The following PPIP5K1 variants were observed in gnomAD, a reference collection of about 807,000 sequenced individuals.
The protein encoded by PPIP5K1 is inositol hexakisphosphate and diphosphoinositol-pentakisphosphate kinase 1.
A neutral mutation model predicts 27.7 loss-of-function variants in PPIP5K1; 6 were observed. That is an observed-to-expected ratio of 0.22 (90% confidence interval 0.12 to 0.43). The LOEUF (loss-of-function observed/expected upper bound fraction) is 0.43. PPIP5K1 is among the 20% of genes least tolerant of loss of function. The probability of loss-of-function intolerance (pLI) is 1.00; values close to 1 mark genes in which losing one functional copy is unlikely to be tolerated. For missense variants in PPIP5K1, 394 were observed against 635.4 expected (o/e 0.62, Z 4.08); for synonymous variants, 145 against 242.6 (o/e 0.60, Z 3.74).
intron 31 of PPIP5K1, among the ~76,000 whole-genome samples, chr15:43,537,706 A>AAGAGAGAG (rs1156583027): frequency 7.9e-6 from 1 of 126,740 alleles, no homozygotes; most frequent in Admixed American, 8.8e-5. Context: ...AAAAAAAAAA[A>AAGAGAGAG]AGAGAGAGAG....
intron 30 of PPIP5K1, 129 bp from the exon 31 acceptor site, chr15:43,539,712 G>A (rs1595707698): frequency 3.3e-6 from 2 of 603,922 alleles, no homozygotes; most frequent in South Asian, 2.1e-5. Flanking sequence ...AGCATTTCCT[G>A]GGGACCCTTC....
chr15:43,547,373 G>A (rs1178748670), intron 30 of PPIP5K1, among the ~76,000 whole-genome samples: 1 of 152,072 alleles, frequency 6.6e-6, no homozygotes, highest in African/African-American at 2.4e-5. Context: ...TAGTTTTGGT[G>A]AAGTCTAATT....
intron 30 of PPIP5K1, among the ~76,000 whole-genome samples, chr15:43,550,145 T>C (rs2082012434): frequency 6.6e-6 from 1 of 150,404 alleles, no homozygotes. Flanking sequence ...TTTTCTTTCT[T>C]TTTTTTTTGA....
intron 30 of PPIP5K1, among the ~76,000 whole-genome samples, chr15:43,553,440 T>C (rs189387516): frequency 1.2e-4 from 19 of 152,184 alleles, no homozygotes; most frequent in Admixed American, 1.1e-3. Context: ...CTTCCTGGGC[T>C]CAAGGAGTCC....
intron 30 of PPIP5K1, among the ~76,000 whole-genome samples, chr15:43,555,144 G>C (rs1299560005): frequency 6.6e-6 from 1 of 151,706 alleles, no homozygotes; most frequent in African/African-American, 2.4e-5. Context: ...GGCGTTAAAA[G>C]TATAAACTAT....
At position 43,543,415 on chromosome 15, in the gene PPIP5K1, TAAACAAAC is replaced by T. The variant is rs544678749; in HGVS notation, c.3557-3840_3557-3833del. 2.4e-4 allele frequency among the ~76,000 whole-genome samples: 36 copies of T among 149,758 alleles called. 1 individual carries two copies. Among genetic ancestry groups the T allele is most frequent in the South Asian group, 6.4e-4 (3 of 4,694 alleles). On this transcript the variant is annotated intron_variant, in intron 30 of 31. Transcript: ENST00000420765. ...ATGTACCCTAAAACTTAAAGTATAA[TAAACAAAC>T]AAACAAACAAACAAACAAAACAAAA... is the stretch of plus-strand genomic sequence containing the variant.
chr15:43,539,561 G>T lies in PPIP5K1; in HGVS notation c.3579C>A (p.Ser1193Arg). 1 of 1,604,248 alleles carries T rather than the reference G, an allele frequency of 6.2e-7. No individual in the cohort carries two copies. Among genetic ancestry groups the T allele is most frequent in the Non-Finnish European group, 8.5e-7 (1 of 1,173,308 alleles). ...AAAATGGGTTATCTGAGGCCTGGCTGCTGTGCATGGAATCAAAGAGGGCTG... is the reference window on the plus strand; with the variant it reads ...AAAATGGGTTATCTGAGGCCTGGCTTCTGTGCATGGAATCAAAGAGGGCTG... Reference protein sequence around the residue: ...ASAALFDSMHSSQASDNPFSP... With the variant: ...ASAALFDSMHRSQASDNPFSP... Residue 1193 changes from serine to arginine, a missense_variant, in exon 31 of 32, where the codon AGC becomes AGA. By Grantham distance (110) the Ser-to-Arg change is moderately radical (BLOSUM62 -1). Transcript: ENST00000420765.
At position 43,535,487 on chromosome 15, in the gene PPIP5K1, A is replaced by G. The variant is rs375770807; in HGVS notation, c.3671-11T>C. 61 of 1,544,044 alleles carry G rather than the reference A, an allele frequency of 4.0e-5. No individual in the cohort carries two copies. The African/African-American group carries it at 5.8e-4, about 15-fold the overall frequency. Reference sequence around the variant, plus strand: ...AAGGGCCACTGCTGTCTGTAAAGCAAAGTCAAGAGATCAAGTTAGAGAAGC... The same window carrying G: ...AAGGGCCACTGCTGTCTGTAAAGCAGAGTCAAGAGATCAAGTTAGAGAAGC... On this transcript the variant is annotated splice_polypyrimidine_tract_variant and intron_variant, in intron 31 of 31. Transcript: ENST00000420765.
In PPIP5K1 at chr15:43,533,956, G is replaced by C. The variant is rs1324563935; in HGVS notation, c.*718C>G. The stretch of plus-strand genomic sequence containing the variant: ...TGCCCAGAGGAACAGGACTGAGGCA[G>C]AAGGGGCACTTGGGGATGATATGGA... On this transcript the variant is annotated 3_prime_UTR_variant, in exon 32 of 32. Coordinates refer to ENST00000420765, the MANE Select transcript of PPIP5K1 (RefSeq NM_001394395.1). The C allele has an allele frequency of 6.6e-6, 1 of 152,194 alleles. No individual in the cohort carries two copies. Among genetic ancestry groups the C allele is most frequent in the East Asian group, 1.9e-4 (1 of 5,196 alleles). 9.4% of individuals were successfully genotyped at this position (152,194 alleles called of 1,614,324 possible). A position where few individuals can be genotyped will look rare whatever the true frequency, so the allele number is the denominator to read the frequency against.
intron 30 of PPIP5K1, among the ~76,000 whole-genome samples, chr15:43,550,143 CTT>C (rs548798606): frequency 6.8e-6 from 1 of 147,944 alleles, no homozygotes. Context: ...TTTTTTCTTT[CTT>C]TTTTTTTTGA....
At chr15:43,538,412 A>G (rs2080196780) in intron 31 of PPIP5K1, among the ~76,000 whole-genome samples, 1 of 152,232 alleles carries the variant, frequency 6.6e-6, no homozygotes, top group African/African-American at 2.4e-5. Flanking sequence ...AGAGATAATA[A>G]ACAAGATGGG....
Position 43,539,536 on chromosome 15 carries a change from A to G in PPIP5K1, c.3604T>C (p.Ser1202Pro). 1 of 1,610,510 alleles carries G rather than the reference A, an allele frequency of 6.2e-7. No individual in the cohort carries two copies. The highest frequency in any genetic ancestry group is 8.5e-7 in the Non-Finnish European group (1 of 1,178,194). ...HSSQASDNPF[S>P]PPRTLHSPPL... The stretch of plus-strand genomic sequence containing the variant: ...GGTGAATGAAGAGTACGTGGTGGAG[A>G]AAATGGGTTATCTGAGGCCTGGCTG... Residue 1202 changes from serine (S) to proline (P), a missense_variant, in exon 31 of 32, where the codon TCT becomes CCT. Ser to Pro is a moderately conservative substitution (Grantham distance 74). This residue lies in a region of PPIP5K1 where 379 missense variants were observed against 423.9 expected (regional missense o/e 0.89). Coordinates refer to ENST00000420765, the MANE Select transcript of PPIP5K1 (RefSeq NM_001394395.1).
intron 29 of PPIP5K1, 107 bp from the exon 30 acceptor site, chr15:43,559,039 T>A: frequency 7.2e-7 from 1 of 1,391,732 alleles, no homozygotes; most frequent in Non-Finnish European, 9.9e-7. Flanking sequence ...AGTCCGTGGC[T>A]TTTGGAGTGT....
At chr15:43,535,693 AC>A (rs2079749252) in intron 31 of PPIP5K1, among the ~76,000 whole-genome samples, 1 of 152,224 alleles carries the variant, frequency 6.6e-6, no homozygotes, top group South Asian at 2.1e-4. Flanking sequence ...ACAATAAGGT[AC>A]ATCTAAGACT....
intron 31 of PPIP5K1, 35 bp downstream of exon 31, chr15:43,539,435 A>C: frequency 7.0e-7 from 1 of 1,427,966 alleles, no homozygotes; most frequent in Non-Finnish European, 9.7e-7. Flanking sequence ...AGTCTTCATG[A>C]CTTTTGTCTA....
At chr15:43,550,500 C>G (rs2082057900) in intron 30 of PPIP5K1, among the ~76,000 whole-genome samples, 3 of 152,092 alleles carry the variant, frequency 2.0e-5, no homozygotes, top group Admixed American at 6.6e-5. Flanking sequence ...GCTTTAATAG[C>G]CGCTTTTTTA....
intron 30 of PPIP5K1, among the ~76,000 whole-genome samples, chr15:43,551,116 T>C (rs1194597335): frequency 6.6e-6 from 1 of 152,200 alleles, no homozygotes; most frequent in African/African-American, 2.4e-5. Flanking sequence ...TCTCTTCAAT[T>C]TTTTTGGAAG....
chr15:43,578,553 A>G (rs2084560905), intron 11 of PPIP5K1, among the ~76,000 whole-genome samples: 1 of 119,122 alleles, frequency 8.4e-6, no homozygotes, highest in Admixed American at 9.5e-5. Context: ...AAAAAAAAAA[A>G]AAAAAAGAAA....
At position 43,534,322 on chromosome 15, in the gene PPIP5K1, C is replaced by G. The variant is rs1484465048; in HGVS notation, c.*352G>C. 1.1e-5 allele frequency: 2 copies of G among 187,204 alleles called. No homozygotes were observed. Among genetic ancestry groups the G allele is most frequent in the Non-Finnish European group, 2.2e-5 (2 of 91,162 alleles). The allele number at this position is 187,204 out of a possible 1,614,324, so 11.6% of individuals were successfully genotyped here. A position where few individuals can be genotyped will look rare whatever the true frequency, so the allele number is the denominator to read the frequency against. Reference sequence around the variant, plus strand: ...CAACCCACCCCAAGGAAATCCTATTCAAGTCTAATGGCTAAGTGAGGAGCC... The same window carrying G: ...CAACCCACCCCAAGGAAATCCTATTGAAGTCTAATGGCTAAGTGAGGAGCC... On this transcript the variant is annotated 3_prime_UTR_variant, in exon 32 of 32. Transcript: ENST00000420765.
Sources: allele counts gnomAD v4.1 joint callset (sites outside exome capture counted in the v4.1 genomes callset), GRCh38; gene constraint gnomAD v4.1.1; regional missense constraint gnomAD v4.1.1; transcripts MANE v1.5; gene names NCBI Gene and HGNC (gene_info 2026-07-23, HGNC 2026-07-21).